Variants in RAD21L1 observed in about 807,000 individuals in gnomAD.
The protein encoded by RAD21L1 is RAD21 cohesin complex component like 1, also known as double-strand-break repair protein rad21-like protein 1.
Under a neutral mutation model 69.0 loss-of-function variants are expected in RAD21L1, and 47 were observed. The observed-to-expected ratio is 0.68, with a 90% CI of 0.54 to 0.87. The LOEUF is 0.87. RAD21L1 is among the 40% of genes least tolerant of loss of function. The pLI, the probability that RAD21L1 is intolerant of heterozygous loss-of-function variation, is 0.00. For missense variants in RAD21L1, 583 were observed against 647.6 expected (o/e 0.90, Z 1.08); for synonymous variants, 177 against 205.8 (o/e 0.86, Z 1.20).
At position 1,244,070 on chromosome 20, in the gene RAD21L1, A is replaced by G. The variant is rs554848231; in HGVS notation, c.1208A>G (p.Asn403Ser). The G allele has an allele frequency of 1.2e-4, 181 of 1,550,450 alleles. No individual in the cohort carries two copies. The African/African-American group carries it at 2.3e-3, about 20-fold the overall frequency. ...GAGACATCCATGATGCAAGAGCCAA[A>G]TTACCAGCAAGAGTTAAGTAAACCC... ...IVETSMMQEPNYQQELSKPQT... is the reference protein window; with the variant it reads ...IVETSMMQEPSYQQELSKPQT... The change falls in exon 11 of 14, where the codon AAT (asparagine) becomes AGT (serine). Residue 403 changes from asparagine to serine, a missense_variant. Coordinates refer to ENST00000683101, the MANE Select transcript of RAD21L1 (RefSeq NM_001384355.1).
chr20:1,232,973 C>G (rs2087422597), intron 4 of RAD21L1, among the ~76,000 whole-genome samples: 1 of 152,256 alleles, frequency 6.6e-6, no homozygotes, highest in African/African-American at 2.4e-5. Flanking sequence ...GTTTTCTTGT[C>G]CCTTCCACTG....
rs1372318994 is a variant in RAD21L1, at chr20:1,242,744, G to A, written c.982G>A (p.Ala328Thr). ...FADTLMVLELAPPTQRLMMWK... is the reference protein window; with the variant it reads ...FADTLMVLELTPPTQRLMMWK... ...GGACACACTCATGGTTTTGGAACTT[G>A]CACCTCCTACCCAAAGATTGATGAT... The change falls in exon 9 of 14, where the codon GCA (alanine) becomes ACA (threonine). Residue 328 changes from alanine to threonine, a missense_variant. Ala to Thr is a moderately conservative substitution (Grantham distance 58, BLOSUM62 0). Transcript: ENST00000683101. 3 of 1,551,574 alleles carry A rather than the reference G, an allele frequency of 1.9e-6. No individual in the cohort carries two copies. In the South Asian group the frequency reaches 3.6e-5, roughly 18 times the overall value.
rs61740338 is a variant in RAD21L1 at position 1,244,118 on chromosome 20, G to T, written c.1256G>T (p.Gly419Val). 1 of 1,549,684 alleles carries T rather than the reference G, an allele frequency of 6.5e-7. No homozygotes were observed. Among genetic ancestry groups the T allele is most frequent in the Non-Finnish European group, 8.7e-7 (1 of 1,145,276 alleles). ...SKPQTWKDVI[G>V]GSQHSSHEDT... ...CCCCAAACTTGGAAGGATGTGATTGGTGGATCTCAGCATAGCTCTCATGAG... is the reference window on the plus strand; with the variant it reads ...CCCCAAACTTGGAAGGATGTGATTGTTGGATCTCAGCATAGCTCTCATGAG... Residue 419 changes from glycine to valine, a missense_variant, in exon 11 of 14, where the codon GGT becomes GTT. Physicochemically the swap from Gly to Val is moderately radical, Grantham distance 109 (BLOSUM62 -3). Coordinates refer to ENST00000683101, the MANE Select transcript of RAD21L1 (RefSeq NM_001384355.1).
At chr20:1,238,316 T>G in intron 6 of RAD21L1, 102 bp downstream of exon 6, 1 of 879,624 alleles carries the variant, frequency 1.1e-6, no homozygotes, top group Non-Finnish European at 1.6e-6. Context: ...AAATATGTTT[T>G]TGTGTTATGT....
At chr20:1,236,434 C>G (rs1186268840) in intron 5 of RAD21L1, among the ~76,000 whole-genome samples, 1 of 152,196 alleles carries the variant, frequency 6.6e-6, no homozygotes, top group Non-Finnish European at 1.5e-5. Flanking sequence ...TTGTTTTACT[C>G]TTAATGTGGA....
Position 1,228,411 on chromosome 20 carries a change from G to C in RAD21L1, c.-32-11G>C. The C allele has an allele frequency of 7.4e-7, 1 of 1,354,238 alleles. No homozygotes were observed. The allele number at this position is 1,354,238 out of a possible 1,614,324, so 83.9% of individuals were successfully genotyped here. On this transcript the variant is annotated splice_polypyrimidine_tract_variant and intron_variant, in intron 1 of 13. Coordinates refer to ENST00000683101, the MANE Select transcript of RAD21L1 (RefSeq NM_001384355.1). ...AATAAAATTTTAAATTTCTTTTCGT[G>C]TTCTCTCTAGTTTGTTAAATACAAG...
At chr20:1,232,891 A>G (rs2087420700) in intron 4 of RAD21L1, among the ~76,000 whole-genome samples, 1 of 152,178 alleles carries the variant, frequency 6.6e-6, no homozygotes, top group Non-Finnish European at 1.5e-5. Flanking sequence ...AAGTCATAAG[A>G]GAAGTGATTA....
rs1187710800 is a variant in RAD21L1, at chr20:1,234,073, A to G, written c.369-12A>G. The G allele has an allele frequency of 1.1e-5, 14 of 1,302,224 alleles. No individual in the cohort carries two copies. The highest frequency in any genetic ancestry group is 1.4e-5 in the Non-Finnish European group (13 of 931,408). 80.7% of individuals were successfully genotyped at this position (1,302,224 alleles called of 1,614,324 possible). Reference sequence around the variant, plus strand: ...GTTCTCATGTTTTTCTCAACCTTCTATTTCTCCATAGTGCTATTGATGTTT... The same window carrying G: ...GTTCTCATGTTTTTCTCAACCTTCTGTTTCTCCATAGTGCTATTGATGTTT... On this transcript the variant is annotated splice_polypyrimidine_tract_variant and intron_variant, in intron 4 of 13. Coordinates refer to ENST00000683101, the MANE Select transcript of RAD21L1 (RefSeq NM_001384355.1).
intron 3 of RAD21L1, 33 bp from the exon 4 acceptor site, chr20:1,231,493 T>G: frequency 9.5e-7 from 1 of 1,058,118 alleles, no homozygotes; most frequent in Non-Finnish European, 1.4e-6. Context: ...ATAGCATTGT[T>G]GCTTATTGAG....
At chr20:1,250,000 C>T (rs2087794194) in intron 13 of RAD21L1, among the ~76,000 whole-genome samples, 1 of 126,804 alleles carries the variant, frequency 7.9e-6, no homozygotes, top group African/African-American at 2.8e-5. Flanking sequence ...TGCTATCCCT[C>T]CCCCCTCCCC....
Position 1,246,135 on chromosome 20 carries a change from A to T in RAD21L1, c.1309-78A>T. 1.5e-6 allele frequency: 1 copy of T among 648,976 alleles called. No individual in the cohort carries two copies. Among genetic ancestry groups the T allele is most frequent in the Non-Finnish European group, 2.5e-6 (1 of 397,872 alleles). The allele number at this position is 648,976 out of a possible 1,614,324, so 40.2% of individuals were successfully genotyped here. A position where few individuals can be genotyped will look rare whatever the true frequency, so the allele number is the denominator to read the frequency against. ...TTGAGAAGTGAGCATTCATGTGATTAAAGCATTTAATAAAATTAGATTGTT... is the reference window on the plus strand; with the variant it reads ...TTGAGAAGTGAGCATTCATGTGATTTAAGCATTTAATAAAATTAGATTGTT... On this transcript the variant is annotated intron_variant, in intron 11 of 13. Coordinates refer to ENST00000683101, the MANE Select transcript of RAD21L1 (RefSeq NM_001384355.1). The surrounding 1 kb of genome is among the most constrained non-coding windows in gnomAD (Gnocchi z 4.6).
In RAD21L1 at chr20:1,254,428, A is replaced by T. The variant is rs1433444551; in HGVS notation, c.1639A>T (p.Thr547Ser). The T allele has an allele frequency of 6.5e-7, 1 of 1,543,100 alleles. No individual in the cohort carries two copies. Among genetic ancestry groups the T allele is most frequent in the East Asian group, 2.5e-5 (1 of 40,808 alleles). Reference sequence around the variant, plus strand: ...TGCTCCCTATGCAGATATTATAGCTACGATGGGACCAATGTTTTATAACAT... The same window carrying T: ...TGCTCCCTATGCAGATATTATAGCTTCGATGGGACCAATGTTTTATAACAT... ...QSAPYADIIA[T>S]MGPMFYNI is the part of the protein sequence containing the mutation. Residue 547 changes from threonine to serine, a missense_variant, in exon 14 of 14, where the codon ACG becomes TCG. Thr to Ser is a moderately conservative substitution (Grantham distance 58, BLOSUM62 1). Transcript: ENST00000683101.
intron 4 of RAD21L1, among the ~76,000 whole-genome samples, chr20:1,232,431 T>C (rs1218217059): frequency 6.6e-6 from 1 of 152,180 alleles, no homozygotes; most frequent in Admixed American, 6.5e-5. Flanking sequence ...ATGAGAAAGT[T>C]ATTGTAGTAA....
In RAD21L1 at chr20:1,248,658, A is replaced by T; in HGVS notation, c.1434A>T (p.Thr478=). Residue 478 remains threonine (T), a synonymous_variant, in exon 13 of 14, where the codon ACA becomes ACT. Coordinates refer to ENST00000683101, the MANE Select transcript of RAD21L1 (RefSeq NM_001384355.1). ...TGAGCAATGAAGAAAATATTGAGAC[A>T]GAGAGATGGAATGGAAGAATACTTC... ...ESLSNEENIE[T]ERWNGRILQM... 1 of 1,536,178 alleles carries T rather than the reference A, an allele frequency of 6.5e-7. No individual in the cohort carries two copies. The highest frequency in any genetic ancestry group is 8.8e-7 in the Non-Finnish European group (1 of 1,136,750).
At chr20:1,252,490 A>G (rs528843696) in intron 13 of RAD21L1, among the ~76,000 whole-genome samples, 1 of 152,192 alleles carries the variant, frequency 6.6e-6, no homozygotes, top group Admixed American at 6.5e-5. Context: ...AAAGGAGGTA[A>G]AGGAGAGGCT....
At chr20:1,245,951 G>A (rs1002034549) in intron 11 of RAD21L1, among the ~76,000 whole-genome samples, 1 of 151,976 alleles carries the variant, frequency 6.6e-6, no homozygotes, top group African/African-American at 2.4e-5. Context: ...GCAGTAGAGA[G>A]GGAAATAGGA....
intron 5 of RAD21L1, among the ~76,000 whole-genome samples, chr20:1,235,585 A>G (rs2087477579): frequency 6.6e-6 from 1 of 152,016 alleles, no homozygotes; most frequent in Non-Finnish European, 1.5e-5. Context: ...TTATTTCTGT[A>G]TTTTCTTTCT....
chr20:1,250,858 AT>A (rs1267471938), intron 13 of RAD21L1, among the ~76,000 whole-genome samples: 1 of 151,586 alleles, frequency 6.6e-6, no homozygotes, highest in Non-Finnish European at 1.5e-5. Flanking sequence ...CATCAGTTCC[AT>A]TTTTTTTCCT....
At position 1,244,131 on chromosome 20, in the gene RAD21L1, T is replaced by C; in HGVS notation, c.1269T>C (p.His423=). The part of the protein sequence containing the change: ...TWKDVIGGSQ[H]SSHEDTNKNI... ...AGGATGTGATTGGTGGATCTCAGCA[T>C]AGCTCTCATGAGGATACCAATAAAA... is the stretch of plus-strand genomic sequence containing the variant. Residue 423 remains histidine, a synonymous_variant, in exon 11 of 14, where the codon CAT becomes CAC. Coordinates refer to ENST00000683101, the MANE Select transcript of RAD21L1 (RefSeq NM_001384355.1). 6.5e-7 allele frequency: 1 copy of C among 1,548,712 alleles called. No individual in the cohort carries two copies. Among genetic ancestry groups the C allele is most frequent in the Non-Finnish European group, 8.7e-7 (1 of 1,144,414 alleles).
Sources: allele counts gnomAD v4.1 joint callset (sites outside exome capture counted in the v4.1 genomes callset), GRCh38; gene constraint gnomAD v4.1.1; non-coding constraint Gnocchi (gnomAD v3.1); transcripts MANE v1.5; gene names NCBI Gene and HGNC (gene_info 2026-07-23, HGNC 2026-07-21).